MGAT5: variants seen among roughly 807,000 people sequenced by gnomAD.
The protein encoded by MGAT5 is alpha-1,6-mannosylglycoprotein 6-beta-N-acetylglucosaminyltransferase.
In MGAT5, 30 loss-of-function variants were observed where a neutral mutation model predicts 94.3. The observed-to-expected ratio is 0.32, with a 90% CI of 0.24 to 0.43. The LOEUF (loss-of-function observed/expected upper bound fraction) is 0.43. Ranked by LOEUF, MGAT5 falls within the 20% of genes least tolerant of loss-of-function variation. MGAT5 has a pLI of 1.00. For missense variants in MGAT5, 691 were observed against 905.5 expected (o/e 0.76, Z 3.04); for synonymous variants, 310 against 322.9 (o/e 0.96, Z 0.43).
intron 1 of MGAT5, among the ~76,000 whole-genome samples, chr2:134,202,332 A>G (rs1027506650): frequency 1.3e-5 from 2 of 152,246 alleles, no homozygotes; most frequent in Admixed American, 6.5e-5. Context: ...TCATGCCCTT[A>G]TAAAAGAAGC....
At chr2:134,423,006 A>T in intron 13 of MGAT5, 87 bp downstream of exon 13, 1 of 928,872 alleles carries the variant, frequency 1.1e-6, no homozygotes, top group Non-Finnish European at 1.7e-6. Flanking sequence ...TTTTTAGCAA[A>T]CAGATCTTTA....
At chr2:134,447,112 C>G (rs1036754404) in intron 15 of MGAT5, among the ~76,000 whole-genome samples, 6 of 152,196 alleles carry the variant, frequency 3.9e-5, no homozygotes, top group African/African-American at 1.4e-4. Flanking sequence ...TAAACATGCT[C>G]TACACACATG....
At chr2:134,236,442 CAT>C (rs1207150320) in intron 1 of MGAT5, among the ~76,000 whole-genome samples, 10 of 152,272 alleles carry the variant, frequency 6.6e-5, no homozygotes, top group East Asian at 3.9e-4. Context: ...CCATAATCCA[CAT>C]GTGTCGTGGG....
At chr2:134,191,136 C>T (rs1456778951) in intron 1 of MGAT5, among the ~76,000 whole-genome samples, 2 of 152,208 alleles carry the variant, frequency 1.3e-5, no homozygotes, top group Non-Finnish European at 2.9e-5. Flanking sequence ...GCACATAGTA[C>T]GCACCCAGTA....
At chr2:134,418,972 A>G (rs541575906) in intron 12 of MGAT5, among the ~76,000 whole-genome samples, 71 of 152,356 alleles carry the variant, frequency 4.7e-4, no homozygotes, top group African/African-American at 1.7e-3. Flanking sequence ...TAACCAAAGA[A>G]GCTTTTAATG....
intron 1 of MGAT5, among the ~76,000 whole-genome samples, chr2:134,180,514 A>G (rs935310593): frequency 7.2e-5 from 11 of 152,206 alleles, no homozygotes; most frequent in African/African-American, 2.7e-4. Flanking sequence ...GTTACCTTTC[A>G]TTTCAGAAAT....
intron 10 of MGAT5, among the ~76,000 whole-genome samples, chr2:134,382,576 A>T (rs187580985): frequency 1.8e-3 from 268 of 152,326 alleles, no homozygotes; most frequent in Middle Eastern, 0.01. Context: ...TGATACAGGT[A>T]GTGGAGGAAC....
chr2:134,293,805 G>A (rs947196369), intron 2 of MGAT5, among the ~76,000 whole-genome samples: 1 of 152,152 alleles, frequency 6.6e-6, no homozygotes, highest in Non-Finnish European at 1.5e-5. Context: ...CAAACCCCTT[G>A]AGTCTGCAGT....
At chr2:134,339,791 T>C (rs1688527997) in intron 6 of MGAT5, among the ~76,000 whole-genome samples, 1 of 152,190 alleles carries the variant, frequency 6.6e-6, no homozygotes. Flanking sequence ...TGACTATATA[T>C]CCATCCAGTT....
chr2:134,376,100 A>C (rs1282250820), intron 10 of MGAT5, among the ~76,000 whole-genome samples: 1 of 152,178 alleles, frequency 6.6e-6, no homozygotes, highest in East Asian at 1.9e-4. Context: ...AGGCCTCCAG[A>C]TGGTGCCAGC....
intron 1 of MGAT5, among the ~76,000 whole-genome samples, chr2:134,160,921 T>C (rs986155376): frequency 2.0e-5 from 3 of 152,252 alleles, no homozygotes; most frequent in Non-Finnish European, 4.4e-5. Flanking sequence ...ATTAGTGTTA[T>C]CTGACACTTC....
At chr2:134,446,290 G>T (rs987965191) in intron 15 of MGAT5, among the ~76,000 whole-genome samples, 1 of 151,596 alleles carries the variant, frequency 6.6e-6, no homozygotes, top group Non-Finnish European at 1.5e-5. Flanking sequence ...GTGACCCAGG[G>T]AGCGAGCAGG....
intron 2 of MGAT5, among the ~76,000 whole-genome samples, chr2:134,289,373 C>T (rs554480863): frequency 1.6e-4 from 25 of 152,238 alleles, no homozygotes; most frequent in African/African-American, 5.8e-4. Flanking sequence ...CAATACTGCC[C>T]CTTGGTAGTG....
At chr2:134,392,890 CAG>C (rs1176133506) in intron 10 of MGAT5, among the ~76,000 whole-genome samples, 1 of 11,084 alleles carries the variant, frequency 9.0e-5, no homozygotes, top group Non-Finnish European at 3.7e-4. Flanking sequence ...GCATCTAGGA[CAG>C]AAAGCCCTTG....
Position 134,413,022 on chromosome 2 carries a change from A to G in MGAT5, c.1677+7A>G. ...CAAGCCAACTCTGAGAGAGGTAAGC[A>G]TCTATCAAAATTATTCCATTTTGAA... On this transcript the variant is annotated splice_region_variant and intron_variant, in intron 12 of 15. Transcript: ENST00000281923. 2 of 1,614,074 alleles carry G rather than the reference A, an allele frequency of 1.2e-6. No individual in the cohort carries two copies. Among genetic ancestry groups the G allele is most frequent in the South Asian group, 2.2e-5 (2 of 91,088 alleles).
At chr2:134,193,266 G>A (rs1298413078) in intron 1 of MGAT5, among the ~76,000 whole-genome samples, 4 of 152,058 alleles carry the variant, frequency 2.6e-5, no homozygotes, top group South Asian at 2.1e-4. Flanking sequence ...GGGACTACAG[G>A]GACATGCCAA....
intron 1 of MGAT5, among the ~76,000 whole-genome samples, chr2:134,260,057 C>T (rs1437953502): frequency 6.7e-5 from 10 of 149,194 alleles, no homozygotes; most frequent in Non-Finnish European, 1.0e-4. Flanking sequence ...GGAGAAGGCA[C>T]GGCGTATGCT....
intron 1 of MGAT5, among the ~76,000 whole-genome samples, chr2:134,221,476 A>G (rs941977232): frequency 1.3e-5 from 2 of 152,178 alleles, no homozygotes; most frequent in African/African-American, 4.8e-5. Flanking sequence ...AGAGAGAGAA[A>G]GAGAGAGCAG....
Position 134,449,107 on chromosome 2 carries a change from C to T in MGAT5, c.*260C>T. The T allele has an allele frequency of 3.8e-6, 2 of 520,668 alleles. No individual in the cohort carries two copies. The highest frequency in any genetic ancestry group is 6.9e-6 in the Non-Finnish European group (2 of 288,396). The allele number at this position is 520,668 out of a possible 1,614,324, so 32.3% of individuals were successfully genotyped here. Reference sequence around the variant, plus strand: ...ATCATTTCTGTTTCTCAAGGAGCAACTGTGGGAAGACTGTCACTGCAGCTG... The same window carrying T: ...ATCATTTCTGTTTCTCAAGGAGCAATTGTGGGAAGACTGTCACTGCAGCTG... On this transcript the variant is annotated 3_prime_UTR_variant, in exon 16 of 16. Coordinates refer to ENST00000281923, the MANE Select transcript of MGAT5 (RefSeq NM_002410.5).
Sources: gnomAD v4.1 joint callset for allele counts (sites outside exome capture counted in the v4.1 genomes callset) on GRCh38, gnomAD v4.1.1 for gene constraint, MANE v1.5 for transcripts, NCBI Gene and HGNC (gene_info 2026-07-23, HGNC 2026-07-21) for gene names.